OR51B5: variants seen among roughly 807,000 people sequenced by gnomAD.
The protein encoded by OR51B5 is olfactory receptor 51B5.
For missense variants in OR51B5, 456 were observed against 374.6 expected (o/e 1.22, Z -1.79); for synonymous variants, 186 against 144.8 (o/e 1.28, Z -2.04).
chr11:5,376,757 C>T (rs1180852304), intron 1 of OR51B5, among the ~76,000 whole-genome samples: 1 of 151,646 alleles, frequency 6.6e-6, no homozygotes, highest in Non-Finnish European at 1.5e-5. Flanking sequence ...AAGACTAAAC[C>T]AGGAAGAAGT....
At chr11:5,410,528 A>G (rs1850131444) in intron 1 of OR51B5, among the ~76,000 whole-genome samples, 1 of 152,204 alleles carries the variant, frequency 6.6e-6, no homozygotes, top group African/African-American at 2.4e-5. Flanking sequence ...TCCATAGATT[A>G]TAATGAAAGT....
intron 1 of OR51B5, chr11:5,423,019 G>T (rs757940486): frequency 6.2e-7 from 1 of 1,613,914 alleles, no homozygotes; most frequent in East Asian, 2.2e-5. Flanking sequence ...CCTCTCCACT[G>T]GTCCATGTTA....
chr11:5,350,897 AATTGAATTTTCCCTCCAGGAAT>A (rs2133686603), intron 1 of OR51B5, among the ~76,000 whole-genome samples: 1 of 152,308 alleles, frequency 6.6e-6, no homozygotes, highest in African/African-American at 2.4e-5. Flanking sequence ...GAGCTTCATC[AATTGAATTTTCCCTCCAGGAAT>A]ATTGAAGAAA....
chr11:5,356,123 A>G (rs1350032761), intron 1 of OR51B5, among the ~76,000 whole-genome samples: 6 of 152,318 alleles, frequency 3.9e-5, no homozygotes, highest in African/African-American at 7.2e-5. Flanking sequence ...AAAGCTGGAC[A>G]GAGAATGACT....
intron 1 of OR51B5, among the ~76,000 whole-genome samples, chr11:5,416,947 CA>C (rs1297843355): frequency 6.8e-6 from 1 of 147,864 alleles, no homozygotes; most frequent in Non-Finnish European, 1.5e-5. Context: ...CATATGGAAC[CA>C]AAAAAGAGCC....
In OR51B5 at chr11:5,396,042, T is replaced by A. The variant is rs78363222; in HGVS notation, n.85-49132A>T. 2.6e-5 allele frequency among the ~76,000 whole-genome samples: 4 copies of A among 152,328 alleles called. No homozygotes were observed. In the East Asian group the frequency reaches 7.7e-4, roughly 29 times the overall value. ...GATGAAGAAACTAAGATTAATCAGA[T>A]ACTTTGCACAATCATAGAGTGAAGA... On this transcript the variant is annotated intron_variant and non_coding_transcript_variant, in intron 1 of 4. Coordinates refer to the OR51B5 transcript ENST00000415970.
chr11:5,488,645 C>A, intron 1 of OR51B5: 1 of 1,120,708 alleles, frequency 8.9e-7, no homozygotes, highest in Non-Finnish European at 1.3e-6. Flanking sequence ...AACCAAATAT[C>A]TGATGTTACA....
In OR51B5 at chr11:5,486,283, T is replaced by C. The variant is rs1201935482; in HGVS notation, n.84+19286A>G. 2.0e-5 allele frequency among the ~76,000 whole-genome samples: 3 copies of C among 152,338 alleles called. No homozygotes were observed. In the East Asian group the frequency reaches 5.8e-4, roughly 29 times the overall value. On this transcript the variant is annotated intron_variant and non_coding_transcript_variant, in intron 1 of 4. Coordinates refer to the OR51B5 transcript ENST00000415970. ...TCAAAGTCCTTATCATTATCTAACA[T>C]ATATTTTACTTCTGCATTTTGTTTG...
At chr11:5,445,589 A>G (rs1430047925) in intron 1 of OR51B5, among the ~76,000 whole-genome samples, 1 of 151,968 alleles carries the variant, frequency 6.6e-6, no homozygotes, top group South Asian at 2.1e-4. Context: ...ACCCTTGCAA[A>G]GAACATAAAT....
At chr11:5,478,705 G>A (rs990600358) in intron 1 of OR51B5, among the ~76,000 whole-genome samples, 9 of 151,782 alleles carry the variant, frequency 5.9e-5, no homozygotes, top group South Asian at 2.1e-4. Flanking sequence ...CAAGAACTAC[G>A]TGAAGAATGC....
At chr11:5,371,019 A>G (rs1849440517) in intron 1 of OR51B5, among the ~76,000 whole-genome samples, 2 of 152,200 alleles carry the variant, frequency 1.3e-5, no homozygotes, top group South Asian at 4.1e-4. Context: ...GATTGGGGCT[A>G]CCCAAAGGGA....
At chr11:5,372,536 T>C (rs912769091) in intron 1 of OR51B5, among the ~76,000 whole-genome samples, 4 of 152,334 alleles carry the variant, frequency 2.6e-5, no homozygotes, top group East Asian at 3.9e-4. Flanking sequence ...CCTTTTCATA[T>C]GCCTGCTGAC....
rs779308313 is a variant in OR51B5, at chr11:5,489,441, C to T, written n.84+16128G>A. Reference sequence around the variant, plus strand: ...AGCACAAAGCTCTGAGTACCTGTGGCTCCCACATTGGCATCATCCTGGTTT... The same window carrying T: ...AGCACAAAGCTCTGAGTACCTGTGGTTCCCACATTGGCATCATCCTGGTTT... On this transcript the variant is annotated intron_variant and non_coding_transcript_variant, in intron 1 of 4. Coordinates refer to the OR51B5 transcript ENST00000415970. The T allele has an allele frequency of 4.0e-5, 64 of 1,613,900 alleles. 1 individual carries two copies. Among genetic ancestry groups the T allele is most frequent in the Non-Finnish European group, 3.1e-5 (37 of 1,179,966 alleles).
At chr11:5,413,484 C>G (rs962562270) in intron 1 of OR51B5, among the ~76,000 whole-genome samples, 1 of 151,860 alleles carries the variant, frequency 6.6e-6, no homozygotes, top group Non-Finnish European at 1.5e-5. Context: ...AATCAAACTA[C>G]GAGCTACAGG....
At chr11:5,409,068 G>T (rs184494752) in intron 1 of OR51B5, among the ~76,000 whole-genome samples, 1 of 152,246 alleles carries the variant, frequency 6.6e-6, no homozygotes, top group African/African-American at 2.4e-5. Context: ...TAAGCAGGAT[G>T]TTGTAGTCTA....
At chr11:5,467,434 A>G (rs1364572289) in intron 1 of OR51B5, among the ~76,000 whole-genome samples, 1 of 152,232 alleles carries the variant, frequency 6.6e-6, no homozygotes, top group East Asian at 1.9e-4. Context: ...AAAAATTATT[A>G]GCTATTGCTT....
intron 1 of OR51B5, among the ~76,000 whole-genome samples, chr11:5,420,798 A>G (rs1228726884): frequency 6.6e-6 from 1 of 152,154 alleles, no homozygotes; most frequent in African/African-American, 2.4e-5. Context: ...CTAACTATTG[A>G]ATAATTTTTT....
intron 1 of OR51B5, among the ~76,000 whole-genome samples, chr11:5,356,814 C>T (rs1849201719): frequency 8.0e-6 from 1 of 125,310 alleles, no homozygotes; most frequent in Admixed American, 8.0e-5. Context: ...AGAGTGGGGG[C>T]CAATATTCAA....
At chr11:5,454,542 G>A in intron 1 of OR51B5, 1 of 867,604 alleles carries the variant, frequency 1.2e-6, no homozygotes, top group Non-Finnish European at 1.8e-6. Context: ...AAGTAGGCCA[G>A]GAGATGGTGA....
Sources: allele counts gnomAD v4.1 joint callset (sites outside exome capture counted in the v4.1 genomes callset), GRCh38; gene constraint gnomAD v4.1.1; transcripts MANE v1.5; gene names NCBI Gene and HGNC (gene_info 2026-07-23, HGNC 2026-07-21).